The following GEN1 variants were observed in gnomAD, a reference collection of about 807,000 sequenced individuals.
The protein encoded by GEN1 is flap endonuclease GEN homolog 1.
GEN1 carries 64 observed loss-of-function variants against 67.6 expected under a neutral mutation model. The ratio of observed to expected loss-of-function variants is 0.95; its 90% CI spans 0.77 to 1.17. The LOEUF (loss-of-function observed/expected upper bound fraction) is 1.17. Ranked by LOEUF, GEN1 falls within the 50% of genes most tolerant of loss-of-function variation. GEN1 has a pLI of 0.00. For missense variants in GEN1, 1,058 were observed against 1,048.3 expected, an observed-to-expected ratio of 1.01 and a Z score of -0.13; for synonymous variants, 371 against 359.4, an observed-to-expected ratio of 1.03 and a Z score of -0.37.
chr2:17,771,845 A>G (rs958141723), intron 7 of GEN1, among the ~76,000 whole-genome samples: 11 of 151,540 alleles, frequency 7.3e-5, no homozygotes, highest in Non-Finnish European at 1.3e-4. Flanking sequence ...TTTCATTCCC[A>G]AAAGAGATTA....
At chr2:17,779,871 T>G (rs1672743210) in intron 12 of GEN1, 107 bp from the exon 13 acceptor site, 20 of 811,562 alleles carry the variant, frequency 2.5e-5, no homozygotes, top group Non-Finnish European at 1.5e-5. Flanking sequence ...CCGCCCGCCT[T>G]GGCCTCCCAA....
rs374734445 is a variant in GEN1 at position 17,780,752 on chromosome 2, G to T, written c.1540G>T (p.Asp514Tyr). Residue 514 changes from aspartate (D) to tyrosine (Y), a missense_variant, in exon 14 of 14, where the codon GAT becomes TAT. Asp to Tyr is a radical substitution (Grantham distance 160). Transcript: ENST00000381254. ...NSKLNSGISP[D>Y]PTLPQESISA... ...CAAGTTAAATTCGGGGATTTCCCCT[G>T]ATCCTACATTACCACAGGAATCTAT... 7.4e-6 allele frequency: 12 copies of T among 1,613,872 alleles called. No individual in the cohort carries two copies. Among genetic ancestry groups the T allele is most frequent in the Non-Finnish European group, 9.3e-6 (11 of 1,179,938 alleles).
chr2:17,767,916 A>T (rs537621122), intron 5 of GEN1, among the ~76,000 whole-genome samples: 1 of 152,366 alleles, frequency 6.6e-6, no homozygotes, highest in East Asian at 1.9e-4. Context: ...TGCCAAAGAC[A>T]TAGGCAATAG....
intron 1 of GEN1, among the ~76,000 whole-genome samples, chr2:17,756,677 C>T (rs899162171): frequency 2.6e-5 from 4 of 152,276 alleles, no homozygotes; most frequent in East Asian, 1.9e-4. Context: ...CCGCCTGCCT[C>T]GACCTCCCAA....
Position 17,781,317 on chromosome 2 carries a change from G to T in GEN1, c.2105G>T (p.Ser702Ile). 6.2e-7 allele frequency: 1 copy of T among 1,613,738 alleles called. No individual in the cohort carries two copies. Among genetic ancestry groups the T allele is most frequent in the East Asian group, 2.2e-5 (1 of 44,860 alleles). The change falls in exon 14 of 14, where the codon AGT (serine) becomes ATT (isoleucine). Residue 702 changes from serine (S) to isoleucine (I), a missense_variant. Coordinates refer to ENST00000381254, the MANE Select transcript of GEN1 (RefSeq NM_001130009.3). ...AACCTGAAAACTTTGTCCATACTTA[G>T]TGTAAAAGAATCTTGTATTGCTAAC... ...DVNLKTLSIL[S>I]VKESCIANSG...
intron 1 of GEN1, 115 bp downstream of exon 1, chr2:17,754,460 A>T (rs575054150): frequency 6.6e-5 from 10 of 152,070 alleles, no homozygotes; most frequent in African/African-American, 1.7e-4. Flanking sequence ...AACGCCTTCA[A>T]TGACTCCCTT....
chr2:17,780,944 T>A lies in GEN1; in HGVS notation c.1732T>A (p.Ser578Thr), dbSNP rs1471450032. The change falls in exon 14 of 14, where the codon TCC becomes ACC. Residue 578 changes from serine to threonine, a missense_variant. Coordinates refer to ENST00000381254, the MANE Select transcript of GEN1 (RefSeq NM_001130009.3). ...ACCCAATACCTCATCTCATAATATA[T>A]CCGTGATTGCTGATCTACACTTGAG... ...SQPNTSSHNISVIADLHLSTI... is the reference protein window; with the variant it reads ...SQPNTSSHNITVIADLHLSTI... 1 of 1,591,780 alleles carries A rather than the reference T, an allele frequency of 6.3e-7. No homozygotes were observed. Among genetic ancestry groups the A allele is most frequent in the Non-Finnish European group, 8.5e-7 (1 of 1,170,094 alleles).
intron 7 of GEN1, 24 bp downstream of exon 7, chr2:17,771,311 A>G: frequency 2.3e-6 from 3 of 1,303,120 alleles, no homozygotes; most frequent in Non-Finnish European, 3.3e-6. Context: ...GGGAATGGTT[A>G]TTAGTATCTC....
At chr2:17,778,323 C>CATATATGT (rs1553331284) in intron 12 of GEN1, among the ~76,000 whole-genome samples, 1 of 30,870 alleles carries the variant, frequency 3.2e-5, no homozygotes, top group African/African-American at 1.1e-4. Flanking sequence ...TACACACACA[C>CATATATGT]GTGTACATAT....
At chr2:17,771,399 G>A (rs1672183837) in intron 7 of GEN1, 112 bp downstream of exon 7, 1 of 682,234 alleles carries the variant, frequency 1.5e-6, no homozygotes, top group Non-Finnish European at 2.6e-6. Flanking sequence ...GTTTTACATT[G>A]TCTTCTCCAC....
chr2:17,781,539 A>G lies in GEN1; in HGVS notation c.2327A>G (p.Asp776Gly), dbSNP rs369351063. ...CNVRPPNTALDHSRKVDMQTT... is the reference protein window; with the variant it reads ...CNVRPPNTALGHSRKVDMQTT... ...GTTAGACCACCAAATACTGCTTTAG[A>G]TCATAGTAGAAAAGTTGATATGCAA... The change falls in exon 14 of 14, where the codon GAT (aspartate) becomes GGT (glycine). Residue 776 changes from aspartate (D) to glycine (G), a missense_variant. Asp to Gly is a moderately conservative substitution (Grantham distance 94, BLOSUM62 -1). Coordinates refer to ENST00000381254, the MANE Select transcript of GEN1 (RefSeq NM_001130009.3). 173 of 1,613,738 alleles carry G rather than the reference A, an allele frequency of 1.1e-4. No homozygotes were observed. Among genetic ancestry groups the G allele is most frequent in the Non-Finnish European group, 1.4e-4 (170 of 1,179,960 alleles).
intron 11 of GEN1, 141 bp downstream of exon 11, chr2:17,774,542 T>C: frequency 1.9e-6 from 1 of 514,714 alleles, no homozygotes. Flanking sequence ...TCAGGGCTTA[T>C]AATCAGAACA....
In GEN1 at chr2:17,767,900, C is replaced by T. The variant is rs571918159; in HGVS notation, c.637-838C>T. The stretch of plus-strand genomic sequence containing the variant: ...GAATGATATTCAAGATATCTAATAA[C>T]GTGTATGCCAAAGACATAGGCAATA... On this transcript the variant is annotated intron_variant, in intron 5 of 13. Transcript: ENST00000381254. Among the ~76,000 whole-genome samples, 11 of 152,294 alleles carry T rather than the reference C, an allele frequency of 7.2e-5. No homozygotes were observed. The East Asian group carries it at 1.9e-3, about 27-fold the overall frequency.
chr2:17,759,887 GTTTC>G (rs981827265), intron 1 of GEN1, 38 bp from the exon 2 acceptor site: 8 of 1,541,852 alleles, frequency 5.2e-6, no homozygotes, highest in Non-Finnish European at 6.3e-6. Flanking sequence ...ATGAGCTTCT[GTTTC>G]TTTAACAATA....
chr2:17,780,598 A>G (rs900222248), intron 13 of GEN1, 23 bp from the exon 14 acceptor site: 3 of 1,378,214 alleles, frequency 2.2e-6, no homozygotes, highest in Admixed American at 2.3e-5. Flanking sequence ...AATGTTGATT[A>G]TATGTATTTT....
intron 3 of GEN1, among the ~76,000 whole-genome samples, chr2:17,762,935 A>G (rs1180957506): frequency 6.6e-6 from 1 of 152,186 alleles, no homozygotes; most frequent in African/African-American, 2.4e-5. Flanking sequence ...TGTCTTTGTA[A>G]TATTTAGTGT....
chr2:17,777,323 CATGATGATG>C (rs551982918), intron 11 of GEN1, among the ~76,000 whole-genome samples: 1 of 151,788 alleles, frequency 6.6e-6, no homozygotes, highest in Non-Finnish European at 1.5e-5. Context: ...ATGATTAATA[CATGATGATG>C]ATGATGATAA....
intron 12 of GEN1, among the ~76,000 whole-genome samples, chr2:17,779,452 T>A (rs1416976860): frequency 1.3e-5 from 2 of 152,236 alleles, no homozygotes; most frequent in Non-Finnish European, 2.9e-5. Context: ...AGAAAGAATC[T>A]CCATCCGGCC....
Position 17,783,549 on chromosome 2 carries a change from TCTTGAAA to T in GEN1, c.*1611_*1617del, listed in dbSNP as rs1572430604. 6.6e-6 allele frequency: 1 copy of T among 152,342 alleles called. No individual in the cohort carries two copies. The highest frequency in any genetic ancestry group is 1.9e-4 in the East Asian group (1 of 5,194). 9.4% of individuals were successfully genotyped at this position (152,342 alleles called of 1,614,324 possible). On this transcript the variant is annotated 3_prime_UTR_variant, in exon 14 of 14. Transcript: ENST00000381254. ...CAGGAACACAGAATATTAGGAAGAA[TCTTGAAA>T]GAGTTTGAATGACCCACCCTTCCTG...
Sources: allele counts gnomAD v4.1 joint callset (sites outside exome capture counted in the v4.1 genomes callset), GRCh38; gene constraint gnomAD v4.1.1; transcripts MANE v1.5; gene names NCBI Gene and HGNC (gene_info 2026-07-23, HGNC 2026-07-21).